DAB1: variants seen among roughly 807,000 people sequenced by gnomAD.
The protein encoded by DAB1 is DAB adaptor protein 1.
DAB1 carries 15 observed loss-of-function variants against 64.6 expected under a neutral mutation model. The observed-to-expected ratio is 0.23, with a 90% confidence interval of 0.16 to 0.36. DAB1 has a LOEUF of 0.36. DAB1 is among the 10% of genes least tolerant of loss of function. The pLI, the probability that DAB1 is intolerant of heterozygous loss-of-function variation, is 1.00. For missense variants in DAB1, 596 were observed against 706.7 expected (o/e 0.84, Z 1.78); for synonymous variants, 235 against 251.9 (o/e 0.93, Z 0.64).
chr1:57,822,658 TTAATGATGTTACTC>T (rs1160338118), downstream of DAB1, among the ~76,000 whole-genome samples: 5 of 152,088 alleles, frequency 3.3e-5, no homozygotes, highest in Non-Finnish European at 7.4e-5. Flanking sequence ...TTTAAGAAGG[TTAATGATGTTACTC>T]TAGATCAGCA....
chr1:58,170,065 G>A (rs1196471307), intron 4 of DAB1, among the ~76,000 whole-genome samples: 1 of 152,202 alleles, frequency 6.6e-6, no homozygotes, highest in African/African-American at 2.4e-5. Context: ...AGCTTTAGCT[G>A]CAGCCCGAGA....
chr1:57,639,681 T>A (rs1415043192), intron 7 of DAB1, among the ~76,000 whole-genome samples: 2 of 152,082 alleles, frequency 1.3e-5, no homozygotes, highest in African/African-American at 4.8e-5. Flanking sequence ...GCACTGTGCA[T>A]CATGCTCAGC....
intron 4 of DAB1, among the ~76,000 whole-genome samples, chr1:58,253,268 A>G (rs1054351002): frequency 6.6e-6 from 1 of 152,174 alleles, no homozygotes; most frequent in African/African-American, 2.4e-5. Context: ...TTATCTATCT[A>G]TGTTCTTAAA....
At chr1:57,406,987 C>T (rs768579697) in intron 1 of DAB1, among the ~76,000 whole-genome samples, 3 of 152,266 alleles carry the variant, frequency 2.0e-5, no homozygotes, top group Non-Finnish European at 4.4e-5. Flanking sequence ...CTCATATCTA[C>T]TTCCTCTGGA....
chr1:58,281,963 A>C (rs1325979227), intron 4 of DAB1, among the ~76,000 whole-genome samples: 1 of 150,952 alleles, frequency 6.6e-6, no homozygotes, highest in Non-Finnish European at 1.5e-5. Flanking sequence ...CATTGTTATC[A>C]TCATTACCAT....
At chr1:57,445,598 AT>A (rs1413220632) in intron 7 of DAB1, among the ~76,000 whole-genome samples, 2 of 152,196 alleles carry the variant, frequency 1.3e-5, no homozygotes, top group Non-Finnish European at 2.9e-5. Flanking sequence ...GAATTGTAAG[AT>A]AAAAAATTTT....
intron 2 of DAB1, among the ~76,000 whole-genome samples, chr1:57,183,505 G>A (rs1663204744): frequency 6.6e-6 from 1 of 152,140 alleles, no homozygotes; most frequent in Non-Finnish European, 1.5e-5. Flanking sequence ...GAGGGAAGGA[G>A]GTGATTTGAA....
At chr1:57,887,975 G>A (rs1644250952), upstream of DAB1, among the ~76,000 whole-genome samples, 1 of 152,172 alleles carries the variant, frequency 6.6e-6, no homozygotes, top group African/African-American at 2.4e-5. Flanking sequence ...CAGAATGTCT[G>A]ACAATCAGTT....
chr1:57,625,345 C>T (rs1011431393), intron 7 of DAB1, among the ~76,000 whole-genome samples: 3 of 152,032 alleles, frequency 2.0e-5, no homozygotes, highest in African/African-American at 7.2e-5. Flanking sequence ...TTGCCTCATG[C>T]CCCATCTCCC....
At chr1:57,954,204 A>G (rs1645338295) in intron 5 of DAB1, among the ~76,000 whole-genome samples, 1 of 151,990 alleles carries the variant, frequency 6.6e-6, no homozygotes, top group Admixed American at 6.6e-5. Flanking sequence ...GTGGCCATCT[A>G]TTTTTCGGTC....
chr1:58,080,515 G>T (rs1245032197), intron 5 of DAB1, among the ~76,000 whole-genome samples: 1 of 152,220 alleles, frequency 6.6e-6, no homozygotes, highest in Admixed American at 6.5e-5. Context: ...CTGTAACCTT[G>T]CCAAGGCAAT....
chr1:57,840,877 C>T (rs1440564601), intron 1 of DAB1, among the ~76,000 whole-genome samples: 1 of 152,154 alleles, frequency 6.6e-6, no homozygotes, highest in Non-Finnish European at 1.5e-5. Context: ...CCTGGCCCCT[C>T]CTAAATCTCA....
intron 3 of DAB1, among the ~76,000 whole-genome samples, chr1:58,488,298 T>C (rs1270325653): frequency 1.3e-5 from 2 of 152,238 alleles, no homozygotes; most frequent in African/African-American, 2.4e-5. Flanking sequence ...TATGTTCTGA[T>C]GATTGGAACC....
intron 3 of DAB1, among the ~76,000 whole-genome samples, chr1:58,448,327 TTAGGTAGATAGATAGATAAGA>T (rs1263863310): frequency 6.6e-6 from 1 of 152,130 alleles, no homozygotes; most frequent in Non-Finnish European, 1.5e-5. Context: ...TAGGGTTTTG[TTAGGTAGATAGATAGATAAGA>T]TAGGTAGATA....
chr1:58,367,173 A>G (rs1410836768), intron 3 of DAB1, among the ~76,000 whole-genome samples: 1 of 152,228 alleles, frequency 6.6e-6, no homozygotes, highest in Non-Finnish European at 1.5e-5. Context: ...CATACCTAGC[A>G]TGGACAAGGA....
At chr1:57,289,444 C>T (rs1672588774) in intron 2 of DAB1, among the ~76,000 whole-genome samples, 1 of 152,154 alleles carries the variant, frequency 6.6e-6, no homozygotes. Flanking sequence ...TGTTCTTTCA[C>T]CCACTTACTT....
chr1:57,917,789 C>T (rs895715416), intron 5 of DAB1, among the ~76,000 whole-genome samples: 8 of 152,260 alleles, frequency 5.3e-5, no homozygotes, highest in Admixed American at 3.9e-4. Context: ...TTAACTCCTT[C>T]GCCCCCTCTT....
At chr1:57,147,419 C>T (rs1302676836) in intron 2 of DAB1, among the ~76,000 whole-genome samples, 1 of 151,956 alleles carries the variant, frequency 6.6e-6, no homozygotes, top group East Asian at 1.9e-4. Context: ...GACCTGTGGT[C>T]CTGACCCCCA....
chr1:57,002,183 C>G (rs554133575), intron 14 of DAB1, among the ~76,000 whole-genome samples: 4 of 152,314 alleles, frequency 2.6e-5, no homozygotes, highest in Admixed American at 6.5e-5. Flanking sequence ...AATCCACCCT[C>G]TAACCTTTCT....
Sources: gnomAD v4.1 joint callset for allele counts (sites outside exome capture counted in the v4.1 genomes callset) on GRCh38, gnomAD v4.1.1 for gene constraint, MANE v1.5 for transcripts, NCBI Gene and HGNC (gene_info 2026-07-23, HGNC 2026-07-21) for gene names.